Variants in RPS6KA1 observed in about 807,000 individuals in gnomAD.
RPS6KA1 encodes ribosomal protein S6 kinase alpha-1.
Under a neutral mutation model 91.3 loss-of-function variants are expected in RPS6KA1, and 48 were observed. That is an observed-to-expected ratio of 0.53 (90% CI 0.42 to 0.67). The LOEUF (loss-of-function observed/expected upper bound fraction) is 0.67. RPS6KA1 is among the 30% of genes least tolerant of loss of function. The pLI, the probability that RPS6KA1 is intolerant of heterozygous loss-of-function variation, is 0.00. For synonymous variants in RPS6KA1, 359 were observed against 384.7 expected (o/e 0.93, Z 0.78); for missense variants, 719 against 960.5 (o/e 0.75, Z 3.32).
intron 17 of RPS6KA1, among the ~76,000 whole-genome samples, chr1:26,567,611 C>A (rs892773872): frequency 6.6e-6 from 1 of 152,116 alleles, no homozygotes; most frequent in African/African-American, 2.4e-5. Context: ...GAACTCCCAA[C>A]CTTGTGATCT....
chr1:26,551,252 T>C lies in RPS6KA1; in HGVS notation c.308-145T>C. ...GACTGGCAAGGAGGAAACCTGAGGA[T>C]TGAGTGTCCCCAAAGCCCTGGGTGA... On this transcript the variant is annotated intron_variant, in intron 4 of 21. Coordinates refer to ENST00000374168, the MANE Select transcript of RPS6KA1 (RefSeq NM_002953.4). The surrounding 1 kb of genome is among the most constrained non-coding windows in gnomAD (Gnocchi z 4.5). 1.5e-6 allele frequency: 1 copy of C among 670,344 alleles called. No homozygotes were observed. Among genetic ancestry groups the C allele is most frequent in the Non-Finnish European group, 2.6e-6 (1 of 381,806 alleles). 41.5% of individuals were successfully genotyped at this position (670,344 alleles called of 1,614,324 possible). A position where few individuals can be genotyped will look rare whatever the true frequency, so the allele number is the denominator to read the frequency against.
At chr1:26,572,765 T>A (rs1325470699) in intron 20 of RPS6KA1, among the ~76,000 whole-genome samples, 1 of 152,162 alleles carries the variant, frequency 6.6e-6, no homozygotes, top group African/African-American at 2.4e-5. Context: ...TGGGAACCTG[T>A]ATGCCAGACA....
At chr1:26,566,930 G>A (rs1439862365) in intron 17 of RPS6KA1, among the ~76,000 whole-genome samples, 1 of 152,170 alleles carries the variant, frequency 6.6e-6, no homozygotes, top group Non-Finnish European at 1.5e-5. Flanking sequence ...CGCTGCTCCT[G>A]AAGATGCTGC....
intron 1 of RPS6KA1, among the ~76,000 whole-genome samples, chr1:26,533,371 C>T (rs570168247): frequency 5.3e-5 from 8 of 152,230 alleles, no homozygotes; most frequent in South Asian, 4.1e-4. Flanking sequence ...GCTGGGATTA[C>T]AGACATGAGC....
At position 26,558,090 on chromosome 1, in the gene RPS6KA1, C is replaced by T. The variant is rs962926917; in HGVS notation, c.1085-717C>T. Among the ~76,000 whole-genome samples, 3 of 152,034 alleles carry T rather than the reference C, an allele frequency of 2.0e-5. No individual in the cohort carries two copies. The highest frequency in any genetic ancestry group is 6.6e-5 in the Admixed American group (1 of 15,236). ...GTGATCCACAAGGGGGTGCTTTTCT[C>T]ACTGCACTTGCACGCCTCTGATGAC... On this transcript the variant is annotated intron_variant, in intron 13 of 21. Transcript: ENST00000374168. The surrounding 1 kb of genome is among the most constrained non-coding windows in gnomAD (Gnocchi z 4.0).
chr1:26,566,832 G>A, intron 17 of RPS6KA1, among the ~76,000 whole-genome samples: 1 of 152,088 alleles, frequency 6.6e-6, no homozygotes, highest in East Asian at 1.9e-4. Flanking sequence ...CTATAATAGA[G>A]GGCTTCTCCC....
intron 2 of RPS6KA1, among the ~76,000 whole-genome samples, chr1:26,539,307 G>C (rs945439353): frequency 6.6e-6 from 1 of 152,242 alleles, no homozygotes; most frequent in Non-Finnish European, 1.5e-5. Context: ...AAGAGTTGGG[G>C]TGGGCTCTAG....
chr1:26,535,570 G>A (rs2075900204), intron 1 of RPS6KA1, among the ~76,000 whole-genome samples: 1 of 152,136 alleles, frequency 6.6e-6, no homozygotes, highest in Non-Finnish European at 1.5e-5. Context: ...ACATCACACA[G>A]GAAACAGATG....
chr1:26,566,250 G>A (rs368815117), intron 17 of RPS6KA1, among the ~76,000 whole-genome samples: 1 of 150,176 alleles, frequency 6.7e-6, no homozygotes, highest in Non-Finnish European at 1.5e-5. Flanking sequence ...TTGCCATTCT[G>A]GTGGGTGTGG....
rs2076000944 is a variant in RPS6KA1, at chr1:26,547,038, G to A, written c.225+55G>A. On this transcript the variant is annotated intron_variant, in intron 3 of 21. Transcript: ENST00000374168. The surrounding 1 kb of genome is among the most constrained non-coding windows in gnomAD (Gnocchi z 4.1). ...AACACTCGTCATGTTAGAGGTGGGG[G>A]TCAAGGGTCACCTAGGGGCCCAAAG... 6.5e-7 allele frequency: 1 copy of A among 1,550,160 alleles called. No individual in the cohort carries two copies. The highest frequency in any genetic ancestry group is 8.9e-7 in the Non-Finnish European group (1 of 1,122,408).
rs180720069 is a variant in RPS6KA1 at position 26,530,912 on chromosome 1, T to A, written c.63+929T>A. 287 of 1,246,002 alleles carry A rather than the reference T, an allele frequency of 2.3e-4. 2 individuals carry two copies. In the African/African-American group the frequency reaches 3.8e-3, roughly 16 times the overall value. 77.2% of individuals were successfully genotyped at this position (1,246,002 alleles called of 1,614,324 possible). ...GCTGGGAAGGAAGCAGGTGATATTC[T>A]CCTTCCCAGGTGGTTGTTGGGGGTA... On this transcript the variant is annotated intron_variant, in intron 1 of 21. Transcript: ENST00000374168.
At chr1:26,542,417 G>A (rs1429457648) in intron 2 of RPS6KA1, among the ~76,000 whole-genome samples, 2 of 152,258 alleles carry the variant, frequency 1.3e-5, no homozygotes, top group Admixed American at 6.5e-5. Flanking sequence ...CTGCATAGGG[G>A]TTGTCTGCGG....
intron 21 of RPS6KA1, among the ~76,000 whole-genome samples, chr1:26,573,731 A>G (rs1448684989): frequency 1.3e-5 from 2 of 152,042 alleles, no homozygotes; most frequent in Non-Finnish European, 1.5e-5. Context: ...CGAGGTCAGG[A>G]GTTCAAGACC....
At chr1:26,570,689 T>G (rs192735202) in intron 17 of RPS6KA1, among the ~76,000 whole-genome samples, 1 of 152,350 alleles carries the variant, frequency 6.6e-6, no homozygotes, top group Non-Finnish European at 1.5e-5. Flanking sequence ...CTAGTTTAAG[T>G]GCTGGGATAC....
chr1:26,560,538 A>G (rs2124652409), intron 14 of RPS6KA1, among the ~76,000 whole-genome samples, 188 bp from the exon 15 acceptor site: 1 of 152,306 alleles, frequency 6.6e-6, no homozygotes, highest in South Asian at 2.1e-4. Context: ...TATGCCCATT[A>G]TATAGAGTAG....
intron 12 of RPS6KA1, 55 bp downstream of exon 12, chr1:26,556,773 C>G: frequency 5.0e-6 from 8 of 1,594,136 alleles, no homozygotes; most frequent in Non-Finnish European, 6.9e-6. Context: ...ATCTTGGCCA[C>G]AGGAAGGGTG....
At position 26,558,716 on chromosome 1, in the gene RPS6KA1, T is replaced by G. The variant is rs1570449200; in HGVS notation, c.1085-91T>G. ...CGCCACGGCCAGCCCCTGAGGCAGGTCTGGAGGCCCTGTGCTCCCCCTTTG... is the reference window on the plus strand; with the variant it reads ...CGCCACGGCCAGCCCCTGAGGCAGGGCTGGAGGCCCTGTGCTCCCCCTTTG... On this transcript the variant is annotated intron_variant, in intron 13 of 21. Coordinates refer to ENST00000374168, the MANE Select transcript of RPS6KA1 (RefSeq NM_002953.4). This position sits in a 1 kb window ranked among gnomAD's most constrained non-coding sequence, Gnocchi z 4.0. The G allele has an allele frequency of 2.0e-6, 3 of 1,466,832 alleles. No homozygotes were observed. Among genetic ancestry groups the G allele is most frequent in the Non-Finnish European group, 1.9e-6 (2 of 1,079,200 alleles). The allele number at this position is 1,466,832 out of a possible 1,614,324, so 90.9% of individuals were successfully genotyped here.
Position 26,554,306 on chromosome 1 carries a change from T to C in RPS6KA1, c.613+55T>C, listed in dbSNP as rs2076079610. The C allele has an allele frequency of 6.6e-7, 1 of 1,526,116 alleles. No individual in the cohort carries two copies. Among genetic ancestry groups the C allele is most frequent in the Non-Finnish European group, 8.9e-7 (1 of 1,124,918 alleles). The allele number at this position is 1,526,116 out of a possible 1,614,324, so 94.5% of individuals were successfully genotyped here. A position where few individuals can be genotyped will look rare whatever the true frequency, so the allele number is the denominator to read the frequency against. On this transcript the variant is annotated intron_variant, in intron 8 of 21. Transcript: ENST00000374168. This position sits in a 1 kb window ranked among gnomAD's most constrained non-coding sequence, Gnocchi z 4.6. ...CCCAGGGGAGGACAGGACAAGGTCA[T>C]GATAGGTCTCGGCTGAGTGCTGGGG... is the stretch of plus-strand genomic sequence containing the variant.
In RPS6KA1 at chr1:26,573,366, G is replaced by A; in HGVS notation, c.2085+5G>A. On this transcript the variant is annotated splice_donor_5th_base_variant and intron_variant, in intron 21 of 21. Transcript: ENST00000374168. The stretch of plus-strand genomic sequence containing the variant: ...CAGGACCTACAGCTTGTGAAGGTAT[G>A]GCCACCCTTGGGCTGCTGGGCATCT... 1 of 1,614,080 alleles carries A rather than the reference G, an allele frequency of 6.2e-7. No individual in the cohort carries two copies. Among genetic ancestry groups the A allele is most frequent in the Non-Finnish European group, 8.5e-7 (1 of 1,179,994 alleles).
Sources: allele counts gnomAD v4.1 joint callset (sites outside exome capture counted in the v4.1 genomes callset), GRCh38; gene constraint gnomAD v4.1.1; non-coding constraint Gnocchi (gnomAD v3.1); transcripts MANE v1.5; gene names NCBI Gene and HGNC (gene_info 2026-07-23, HGNC 2026-07-21).